The following RRAGC variants were observed in gnomAD, a reference collection of about 807,000 sequenced individuals.
The protein encoded by RRAGC is ras-related GTP-binding protein C.
Under a neutral mutation model 37.1 loss-of-function variants are expected in RRAGC, and 8 were observed. The observed-to-expected ratio is 0.22, with a 90% CI of 0.13 to 0.39. The LOEUF (loss-of-function observed/expected upper bound fraction) is 0.39. Ranked by LOEUF, RRAGC falls within the 10% of genes least tolerant of loss-of-function variation. The pLI is 1.00. For synonymous variants in RRAGC, 190 were observed against 181.1 expected (o/e 1.05, Z -0.39); for missense variants, 342 against 497.6 (o/e 0.69, Z 2.98).
Position 38,859,700 on chromosome 1 carries a change from GGCCGCCGCCTCCCCAGTCCGCCTCC to G in RRAGC, c.-79_-55del, listed in dbSNP as rs1464471139. ...TGACAGGCCAGGCCAGGCCGAGCCA[GGCCGCCGCCTCCCCAGTCCGCCTCC>G]GCCGCCGCCGCCACCACCGCCACCG... On this transcript the variant is annotated 5_prime_UTR_variant, in exon 1 of 7. Coordinates refer to ENST00000373001, the MANE Select transcript of RRAGC (RefSeq NM_022157.4). The G allele has an allele frequency of 7.4e-7, 1 of 1,352,514 alleles. No individual in the cohort carries two copies. The highest frequency in any genetic ancestry group is 9.5e-7 in the Non-Finnish European group (1 of 1,047,930). The allele number at this position is 1,352,514 out of a possible 1,614,324, so 83.8% of individuals were successfully genotyped here.
intron 5 of RRAGC, chr1:38,847,714 A>G (rs923869136): frequency 6.6e-6 from 1 of 152,218 alleles, no homozygotes; most frequent in Non-Finnish European, 1.5e-5. Flanking sequence ...GCAACAAGCG[A>G]AAGTAAACTA....
Position 38,845,906 on chromosome 1 carries a change from TAACATAAA to T in RRAGC, c.1048+25_1048+32del, listed in dbSNP as rs1642022172. 2.6e-6 allele frequency: 4 copies of T among 1,558,208 alleles called. No homozygotes were observed. In the African/African-American group the frequency reaches 5.5e-5, roughly 22 times the overall value. On this transcript the variant is annotated intron_variant, in intron 6 of 6. Transcript: ENST00000373001. ...ACCTGAGAAGTTATGGCAAAGAAAT[TAACATAAA>T]AACAGCTTTTTAAAATGCTATTACC...
At position 38,859,631 on chromosome 1, in the gene RRAGC, C is replaced by T. The variant is rs1165242021; in HGVS notation, c.16G>A (p.Gly6Arg). Reference protein sequence around the residue: MSLQYGAEETPLAGSY... With the variant: MSLQYRAEETPLAGSY... ...CCGGCGAGGGGCGTCTCCTCCGCCCCGTACTGCAGGGACATGGTGCTGGAG... is the reference window on the plus strand; with the variant it reads ...CCGGCGAGGGGCGTCTCCTCCGCCCTGTACTGCAGGGACATGGTGCTGGAG... The change falls in exon 1 of 7, where the codon GGG becomes AGG. Residue 6 changes from glycine (G) to arginine (R), a missense_variant. By Grantham distance (125) the Gly-to-Arg change is moderately radical. Around this residue, in one of 3 missense-constraint regions of RRAGC, gnomAD observed 104 missense variants for 93.4 expected, o/e 1.11. Transcript: ENST00000373001. 2.6e-6 allele frequency: 4 copies of T among 1,559,914 alleles called. No individual in the cohort carries two copies. Among genetic ancestry groups the T allele is most frequent in the Non-Finnish European group, 3.5e-6 (4 of 1,153,588 alleles).
chr1:38,859,484 C>G lies in RRAGC; in HGVS notation c.163G>C (p.Gly55Arg), dbSNP rs765940794. ...CTCGGCTTGGAGCTGTCAGCGCCCC[C>G]CGGACCACAGCCACCGCCTGCCCCT... ...GAGAGGGCGP[G>R]GADSSKPRIL... Residue 55 changes from glycine (G) to arginine (R), a missense_variant, in exon 1 of 7, where the codon GGG becomes CGG. Around this residue, in one of 3 missense-constraint regions of RRAGC, gnomAD observed 104 missense variants for 93.4 expected, o/e 1.11. Transcript: ENST00000373001. The G allele has an allele frequency of 7.4e-5, 115 of 1,547,898 alleles. No individual in the cohort carries two copies. The South Asian group carries it at 1.1e-3, about 15-fold the overall frequency.
At chr1:38,841,283 G>A (rs1641959323) in intron 6 of RRAGC, among the ~76,000 whole-genome samples, 1 of 152,114 alleles carries the variant, frequency 6.6e-6, no homozygotes, top group African/African-American at 2.4e-5. Flanking sequence ...GTGTGGGAAT[G>A]AGGGCTGAAC....
chr1:38,843,257 C>T (rs1053874812), intron 6 of RRAGC, among the ~76,000 whole-genome samples: 19 of 150,990 alleles, frequency 1.3e-4, no homozygotes, highest in Non-Finnish European at 2.7e-4. Context: ...CTTGAGCCCA[C>T]GAGTTTGAGG....
intron 1 of RRAGC, 146 bp from the exon 2 acceptor site, chr1:38,857,228 A>G: frequency 1.6e-6 from 1 of 617,424 alleles, no homozygotes; most frequent in Non-Finnish European, 2.9e-6. Context: ...ATCCATTGGT[A>G]TTCACTATCC....
intron 3 of RRAGC, among the ~76,000 whole-genome samples, chr1:38,853,442 T>C (rs980562263): frequency 6.6e-6 from 1 of 152,158 alleles, no homozygotes; most frequent in Non-Finnish European, 1.5e-5. Context: ...CAGAACTTTA[T>C]AGGTAATTTA....
rs558910185 is a variant in RRAGC, at chr1:38,844,850, T to C, written c.1048+1089A>G. Among the ~76,000 whole-genome samples, 4 of 152,318 alleles carry C rather than the reference T, an allele frequency of 2.6e-5. No individual in the cohort carries two copies. The East Asian group carries it at 7.7e-4, about 29-fold the overall frequency. On this transcript the variant is annotated intron_variant, in intron 6 of 6. Transcript: ENST00000373001. The stretch of plus-strand genomic sequence containing the variant: ...GCCACTTCTCAAAAGAAGACATTTA[T>C]GCAGCCAACGAATATATGAAAAAAA...
rs752648511 is a variant in RRAGC at position 38,839,536 on chromosome 1, C to T, written c.*17G>A. 9.2e-5 allele frequency: 148 copies of T among 1,613,132 alleles called. No homozygotes were observed. The highest frequency in any genetic ancestry group is 1.2e-4 in the Non-Finnish European group (143 of 1,179,516). On this transcript the variant is annotated 3_prime_UTR_variant, in exon 7 of 7. Coordinates refer to ENST00000373001, the MANE Select transcript of RRAGC (RefSeq NM_022157.4). ...TGAAGAGTAAGCTGGCACAGAGCCC[C>T]GACGCTGGGATTCAGACTAGATGGC...
intron 5 of RRAGC, chr1:38,847,970 G>A (rs1049812078): frequency 2.7e-5 from 4 of 150,736 alleles, no homozygotes; most frequent in Non-Finnish European, 5.9e-5. Context: ...AGCCCAGGAG[G>A]TCGAGGCTGC....
At chr1:38,855,598 T>C in intron 3 of RRAGC, 110 bp downstream of exon 3, 1 of 856,096 alleles carries the variant, frequency 1.2e-6, no homozygotes, top group Non-Finnish European at 1.9e-6. Flanking sequence ...ACATAAAAGA[T>C]GTGGCAAAGG....
Position 38,840,147 on chromosome 1 carries a change from C to CAA in RRAGC, c.1049-445_1049-444dup, listed in dbSNP as rs397939319. ...TGGGTGACAGAGCGAGACTCCAACT[C>CAA]AAAAAAAAAAAAAAAAAAAGAACAG... On this transcript the variant is annotated intron_variant, in intron 6 of 6. Transcript: ENST00000373001. Among the ~76,000 whole-genome samples the CAA allele has an allele frequency of 3.8e-3, 170 of 45,068 alleles. 2 individuals are homozygous for CAA. Among genetic ancestry groups the CAA allele is most frequent in the African/African-American group, 0.012 (156 of 13,304 alleles). The allele number at this position is 45,068 out of a possible 152,430, so 29.6% of individuals were successfully genotyped here.
intron 2 of RRAGC, 140 bp downstream of exon 2, chr1:38,856,739 C>T: frequency 1.4e-6 from 1 of 719,684 alleles, no homozygotes; most frequent in East Asian, 2.7e-5. Context: ...AAGCACTCTG[C>T]AACTGCATCT....
chr1:38,851,746 A>T lies in RRAGC; in HGVS notation c.768T>A (p.Ile256=), dbSNP rs1642103137. 1 of 1,610,410 alleles carries T rather than the reference A, an allele frequency of 6.2e-7. No individual in the cohort carries two copies. Among genetic ancestry groups the T allele is most frequent in the Non-Finnish European group, 8.5e-7 (1 of 1,178,900 alleles). ...LLNIFISNSG[I]EKAFLFDVVS... ...CAACATCAAAGAGAAAAGCTTTTTC[A>T]ATACCTGAATTCTTGGAAAAACAAA... Residue 256 remains isoleucine (I), a synonymous_variant, in exon 5 of 7, where the codon ATT becomes ATA. Coordinates refer to ENST00000373001, the MANE Select transcript of RRAGC (RefSeq NM_022157.4).
At chr1:38,856,053 A>G (rs1390382741) in intron 2 of RRAGC, 146 bp from the exon 3 acceptor site, 9 of 484,892 alleles carry the variant, frequency 1.9e-5, no homozygotes, top group Non-Finnish European at 3.2e-5. Flanking sequence ...ATACTATACT[A>G]CTAAATAACT....
chr1:38,851,750 C>A lies in RRAGC; in HGVS notation c.764G>T (p.Gly255Val). 1 of 1,609,374 alleles carries A rather than the reference C, an allele frequency of 6.2e-7. No individual in the cohort carries two copies. Among genetic ancestry groups the A allele is most frequent in the Non-Finnish European group, 8.5e-7 (1 of 1,178,400 alleles). The change falls in exon 5 of 7, where the codon GGT becomes GTT. Residue 255 changes from glycine (G) to valine (V), a missense_variant. By Grantham distance (109) the Gly-to-Val change is moderately radical (BLOSUM62 -3). This residue lies in a region of RRAGC where 134 missense variants were observed against 277.2 expected (regional missense o/e 0.48). Coordinates refer to ENST00000373001, the MANE Select transcript of RRAGC (RefSeq NM_022157.4). ...ATCAAAGAGAAAAGCTTTTTCAATA[C>A]CTGAATTCTTGGAAAAACAAATGGG... ...NLLNIFISNS[G>V]IEKAFLFDVV...
At chr1:38,854,623 T>C (rs563026011) in intron 3 of RRAGC, among the ~76,000 whole-genome samples, 1 of 152,386 alleles carries the variant, frequency 6.6e-6, no homozygotes, top group East Asian at 1.9e-4. Flanking sequence ...GAGAGCCACT[T>C]ACATTTTCTC....
Position 38,838,357 on chromosome 1 carries a change from T to C in RRAGC, c.*1196A>G, listed in dbSNP as rs1225929031. ...AGCACTCCAAGTCACACTGTTAGCTTTACAGACCTGAATATACATATTGCA... is the reference window on the plus strand; with the variant it reads ...AGCACTCCAAGTCACACTGTTAGCTCTACAGACCTGAATATACATATTGCA... On this transcript the variant is annotated 3_prime_UTR_variant, in exon 7 of 7. Transcript: ENST00000373001. 6.6e-6 allele frequency: 1 copy of C among 152,252 alleles called. No homozygotes were observed. The highest frequency in any genetic ancestry group is 1.5e-5 in the Non-Finnish European group (1 of 68,044). 9.4% of individuals were successfully genotyped at this position (152,252 alleles called of 1,614,324 possible).
Sources: gnomAD v4.1 joint callset for allele counts (sites outside exome capture counted in the v4.1 genomes callset) on GRCh38, gnomAD v4.1.1 for gene constraint, gnomAD v4.1.1 regional missense constraint, MANE v1.5 for transcripts, NCBI Gene and HGNC (gene_info 2026-07-23, HGNC 2026-07-21) for gene names.